The following CABP1 variants were observed in gnomAD, a reference collection of about 807,000 sequenced individuals.
CABP1 encodes the protein calcium binding protein 1.
CABP1 carries 17 observed loss-of-function variants against 34.3 expected under a neutral mutation model. That is an observed-to-expected ratio of 0.50 (90% CI 0.34 to 0.74). The LOEUF is 0.74. Ranked by LOEUF, CABP1 falls within the 30% of genes least tolerant of loss-of-function variation. The pLI is 0.01. For missense variants in CABP1, 373 were observed against 511.1 expected (o/e 0.73, Z 2.61); for synonymous variants, 198 against 229.2 (o/e 0.86, Z 1.23).
At chr12:120,656,726 T>A (rs1247160424) in intron 1 of CABP1, among the ~76,000 whole-genome samples, 1 of 152,244 alleles carries the variant, frequency 6.6e-6, no homozygotes, top group East Asian at 1.9e-4. Context: ...TGAAACCCCA[T>A]CTCTACTAAA....
Position 120,640,634 on chromosome 12 carries a change from A to G in CABP1, c.-52A>G. 9.4e-7 allele frequency: 1 copy of G among 1,062,024 alleles called. No individual in the cohort carries two copies. Among genetic ancestry groups the G allele is most frequent in the African/African-American group, 1.7e-5 (1 of 58,420 alleles). 65.8% of individuals were successfully genotyped at this position (1,062,024 alleles called of 1,614,324 possible). A position where few individuals can be genotyped will look rare whatever the true frequency, so the allele number is the denominator to read the frequency against. ...CAGCCGGCAGCGCCCCCAGATCTGC[A>G]CCGCCAGCCGCCGGGAGCTCCGGGC... On this transcript the variant is annotated 5_prime_UTR_variant, in exon 1 of 6. Coordinates refer to ENST00000316803, the MANE Select transcript of CABP1 (RefSeq NM_001033677.2). This position sits in a 1 kb window ranked among gnomAD's most constrained non-coding sequence, Gnocchi z 6.2.
intron 1 of CABP1, among the ~76,000 whole-genome samples, chr12:120,643,493 G>GA (rs1176535183): frequency 6.6e-6 from 1 of 152,232 alleles, no homozygotes; most frequent in African/African-American, 2.4e-5. Flanking sequence ...TCTGCTTAGA[G>GA]AAAAATACAG....
Position 120,641,569 on chromosome 12 carries a change from C to A in CABP1, c.654+230C>A, listed in dbSNP as rs1879325186. ...CGGGCCTCTTGGGGCAAGGCCCTCC[C>A]CGCTAGCCTCCCTCATACCCGCCAG... On this transcript the variant is annotated intron_variant, in intron 1 of 5. Transcript: ENST00000316803. The surrounding 1 kb of genome is among the most constrained non-coding windows in gnomAD (Gnocchi z 6.7). 2 of 400,518 alleles carry A rather than the reference C, an allele frequency of 5.0e-6. No homozygotes were observed. Among genetic ancestry groups the A allele is most frequent in the Non-Finnish European group, 8.6e-6 (2 of 233,070 alleles). 24.8% of individuals were successfully genotyped at this position (400,518 alleles called of 1,614,324 possible).
chr12:120,665,747 C>T lies in CABP1; in HGVS notation c.1088-1128C>T, dbSNP rs558264391. Reference sequence around the variant, plus strand: ...TAAAAAAAGAGAGAGAGAGGCCCGGCGCGGTGGCTCACGCCTGTAATCCCA... The same window carrying T: ...TAAAAAAAGAGAGAGAGAGGCCCGGTGCGGTGGCTCACGCCTGTAATCCCA... On this transcript the variant is annotated intron_variant, in intron 5 of 5. Transcript: ENST00000316803. Among the ~76,000 whole-genome samples the T allele has an allele frequency of 7.9e-5, 12 of 152,168 alleles. No individual in the cohort carries two copies. In the East Asian group the frequency reaches 1.4e-3, roughly 17 times the overall value.
downstream of CABP1, among the ~76,000 whole-genome samples, chr12:120,671,040 AC>A (rs1881234431): frequency 6.6e-6 from 1 of 152,150 alleles, no homozygotes; most frequent in Non-Finnish European, 1.5e-5. Context: ...CATAAAAGGC[AC>A]CCGATTCAAT....
At chr12:120,665,880 C>G (rs773380952) in intron 5 of CABP1, among the ~76,000 whole-genome samples, 2 of 151,550 alleles carry the variant, frequency 1.3e-5, no homozygotes, top group East Asian at 3.9e-4. Context: ...ATTAGCTGGA[C>G]GTCGTGGCGG....
intron 1 of CABP1, among the ~76,000 whole-genome samples, chr12:120,658,128 C>G (rs1229832024): frequency 2.2e-5 from 3 of 138,380 alleles, no homozygotes; most frequent in Non-Finnish European, 4.6e-5. Context: ...GAGTCTCACT[C>G]TCTTGTCCAG....
chr12:120,655,703 G>T, intron 1 of CABP1: 1 of 1,434,766 alleles, frequency 7.0e-7, no homozygotes, highest in Non-Finnish European at 9.1e-7. Context: ...TTTGGGAAAG[G>T]ATGTTGTCTC....
At chr12:120,665,737 A>G (rs1880931168) in intron 5 of CABP1, among the ~76,000 whole-genome samples, 1 of 151,904 alleles carries the variant, frequency 6.6e-6, no homozygotes, top group South Asian at 2.1e-4. Context: ...AAAGAGAGAG[A>G]GAGGCCCGGC....
the CABP1 span, among the ~76,000 whole-genome samples, chr12:120,673,212 G>T: frequency 6.6e-6 from 1 of 152,128 alleles, no homozygotes; most frequent in East Asian, 1.9e-4. Flanking sequence ...GTGATTACAA[G>T]AGTGCTTGCT....
chr12:120,657,218 G>A (rs1334399116), intron 1 of CABP1, among the ~76,000 whole-genome samples: 2 of 152,210 alleles, frequency 1.3e-5, no homozygotes, highest in Non-Finnish European at 2.9e-5. Flanking sequence ...TGTGGCTAGC[G>A]GCTAGTGAAT....
At chr12:120,652,581 C>T (rs920342587) in intron 1 of CABP1, among the ~76,000 whole-genome samples, 2 of 152,050 alleles carry the variant, frequency 1.3e-5, no homozygotes, top group East Asian at 1.9e-4. Context: ...TTTTCCTCTA[C>T]GAGAGGCTGC....
intron 5 of CABP1, chr12:120,662,100 C>T (rs1031532037): frequency 5.9e-5 from 9 of 152,346 alleles, no homozygotes; most frequent in African/African-American, 2.2e-4. Context: ...TCACCCATCC[C>T]TGTGTCCATC....
chr12:120,652,432 T>A (rs1400211377), intron 1 of CABP1, among the ~76,000 whole-genome samples: 1 of 152,150 alleles, frequency 6.6e-6, no homozygotes, highest in African/African-American at 2.4e-5. Context: ...TTCCGCTACA[T>A]AGTTCTTTTG....
At chr12:120,655,097 C>A (rs1040872578) in intron 1 of CABP1, among the ~76,000 whole-genome samples, 8 of 152,192 alleles carry the variant, frequency 5.3e-5, no homozygotes, top group Non-Finnish European at 5.9e-5. Flanking sequence ...TCTGGTTACA[C>A]TGGGCTGGAG....
At chr12:120,669,992 CG>C (rs1475496085), downstream of CABP1, among the ~76,000 whole-genome samples, 288 of 148,074 alleles carry the variant, frequency 1.9e-3, 2 homozygotes, top group African/African-American at 7.2e-3. Context: ...CGCCAGGAAA[CG>C]TTTTTTTTTC....
intron 1 of CABP1, among the ~76,000 whole-genome samples, chr12:120,649,047 C>A (rs1413633564): frequency 6.6e-6 from 1 of 151,946 alleles, no homozygotes; most frequent in Non-Finnish European, 1.5e-5. Context: ...TCAATACCCG[C>A]CCCCCAGGCT....
chr12:120,671,859 GGGTTCAAGACCA>G (rs1247489274), downstream of CABP1, among the ~76,000 whole-genome samples: 1 of 152,158 alleles, frequency 6.6e-6, no homozygotes, highest in African/African-American at 2.4e-5. Context: ...TTGAAGCCAG[GGGTTCAAGACCA>G]GGTTGGGCAA....
At chr12:120,670,304 A>G (rs1881208948), downstream of CABP1, among the ~76,000 whole-genome samples, 1 of 152,066 alleles carries the variant, frequency 6.6e-6, no homozygotes, top group African/African-American at 2.4e-5. Context: ...AACTTGTCTT[A>G]TATTTTGGGG....
Sources: gnomAD v4.1 joint callset for allele counts (sites outside exome capture counted in the v4.1 genomes callset) on GRCh38, gnomAD v4.1.1 for gene constraint, Gnocchi (gnomAD v3.1) non-coding constraint, MANE v1.5 for transcripts, NCBI Gene and HGNC (gene_info 2026-07-23, HGNC 2026-07-21) for gene names.